The following AP3D1 variants were observed in gnomAD, a reference collection of about 807,000 sequenced individuals.
The protein encoded by AP3D1 is AP-3 complex subunit delta-1.
Under a neutral mutation model 147.6 loss-of-function variants are expected in AP3D1, and 51 were observed. That is an observed-to-expected ratio of 0.35 (90% CI 0.28 to 0.44). The LOEUF is 0.44. Among genes scored for constraint, AP3D1 ranks in the 20% least tolerant of loss-of-function variants. The pLI is 1.00. For missense variants in AP3D1, 1,421 were observed against 1,624.2 expected, an observed-to-expected ratio of 0.87 and a Z score of 2.15; for synonymous variants, 760 against 663.0, an observed-to-expected ratio of 1.15 and a Z score of -2.25.
Position 2,110,843 on chromosome 19 carries a change from G to A in AP3D1, c.3039C>T (p.Ile1013=), listed in dbSNP as rs773479033. 4 of 1,613,640 alleles carry A rather than the reference G, an allele frequency of 2.5e-6. No homozygotes were observed. The highest frequency in any genetic ancestry group is 1.1e-5 in the South Asian group (1 of 91,082). ...LQEDSQVTVA[I]VLENRSSSIL... ...TGCTGCTGCTCCTGTTCTCCAGCAC[G>A]ATGGCCACAGTGACCTGGCTGTCCT... The change falls in exon 27 of 32, where the codon ATC becomes ATT. Residue 1013 remains isoleucine, a synonymous_variant. Transcript: ENST00000643116.
At position 2,151,516 on chromosome 19, in the gene AP3D1, G is replaced by A. The variant is rs147018632; in HGVS notation, c.-182C>T. On this transcript the variant is annotated 5_prime_UTR_variant, in exon 1 of 32. Coordinates refer to ENST00000643116, the MANE Select transcript of AP3D1 (RefSeq NM_001261826.3). The stretch of plus-strand genomic sequence containing the variant: ...GCAGAGGCGGCGACCCGCTCGGCAG[G>A]TGCCGCGATCCCGCTCCGGGCCCCT... 0.12 allele frequency: 20,697 copies of A among 176,964 alleles called. 1,464 individuals carry two copies. The highest frequency in any genetic ancestry group is 0.16 in the Non-Finnish European group (14,098 of 89,184). The allele number at this position is 176,964 out of a possible 1,614,324, so 11.0% of individuals were successfully genotyped here.
rs781753395 is a variant in AP3D1 at position 2,114,265 on chromosome 19, G to A, written c.2461C>T (p.His821Tyr). Residue 821 changes from histidine to tyrosine, a missense_variant, in exon 22 of 32, where the codon CAC (histidine) becomes TAC (tyrosine). Physicochemically the swap from His to Tyr is moderately conservative, Grantham distance 83. Coordinates refer to ENST00000643116, the MANE Select transcript of AP3D1 (RefSeq NM_001261826.3). ...ADSEKLPIQKHRNTETSKSPE... is the reference protein window; with the variant it reads ...ADSEKLPIQKYRNTETSKSPE... ...GATTTTGAGGTCTCGGTGTTTCTGTGTTTCTGAATAGGCAGTTTCTCGCTG... is the reference window on the plus strand; with the variant it reads ...GATTTTGAGGTCTCGGTGTTTCTGTATTTCTGAATAGGCAGTTTCTCGCTG... The A allele has an allele frequency of 1.2e-6, 2 of 1,612,556 alleles. No homozygotes were observed. Among genetic ancestry groups the A allele is most frequent in the Non-Finnish European group, 8.5e-7 (1 of 1,179,622 alleles).
intron 2 of AP3D1, among the ~76,000 whole-genome samples, chr19:2,138,146 G>T (rs902301019): frequency 1.3e-5 from 2 of 152,196 alleles, no homozygotes; most frequent in Admixed American, 1.3e-4. Context: ...GCAGCATGGG[G>T]GACCCTGGAC....
intron 1 of AP3D1, among the ~76,000 whole-genome samples, chr19:2,161,765 A>T (rs2019700504): frequency 6.6e-6 from 1 of 151,984 alleles, no homozygotes; most frequent in Non-Finnish European, 1.5e-5. Context: ...CCTGGCCAAC[A>T]TGGCGAGACC....
At chr19:2,109,557 G>A (rs1011730820) in intron 29 of AP3D1, 30 of 484,170 alleles carry the variant, frequency 6.2e-5, no homozygotes, top group African/African-American at 4.4e-4. Flanking sequence ...AGGGGGTGCC[G>A]CACGCCAAGC....
At chr19:2,120,507 C>G (rs911933129) in intron 14 of AP3D1, among the ~76,000 whole-genome samples, 1 of 152,194 alleles carries the variant, frequency 6.6e-6, no homozygotes. Flanking sequence ...AGGGCTGCCA[C>G]GCGCCCAGCT....
chr19:2,116,792 C>CG, intron 16 of AP3D1, 46 bp from the exon 17 acceptor site: 2 of 1,552,854 alleles, frequency 1.3e-6, no homozygotes, highest in African/African-American at 2.7e-5. Context: ...TGACCGAGCA[C>CG]GCGCCTGCAG....
intron 8 of AP3D1, among the ~76,000 whole-genome samples, chr19:2,127,716 G>A (rs963770822): frequency 7.2e-5 from 11 of 152,128 alleles, no homozygotes; most frequent in South Asian, 2.1e-4. Flanking sequence ...AGGTAGAGAC[G>A]GGGTTTCACC....
At chr19:2,141,347 G>A (rs1036019889) in intron 1 of AP3D1, among the ~76,000 whole-genome samples, 6 of 151,718 alleles carry the variant, frequency 4.0e-5, no homozygotes, top group African/African-American at 1.2e-4. Context: ...AGAACACAGG[G>A]TGCGTATTTC....
intron 9 of AP3D1, among the ~76,000 whole-genome samples, chr19:2,125,857 G>A (rs116106464): frequency 0.025 from 3,821 of 151,500 alleles, 160 homozygotes; most frequent in African/African-American, 0.087. Context: ...CAAAAGAGAT[G>A]GGGTGCTGGC....
chr19:2,117,405 G>A (rs769552332), intron 15 of AP3D1, 38 bp from the exon 16 acceptor site: 16 of 1,530,700 alleles, frequency 1.0e-5, no homozygotes, highest in South Asian at 4.9e-5. Flanking sequence ...GCACCTGCCC[G>A]GAAGGCCACT....
intron 9 of AP3D1, among the ~76,000 whole-genome samples, chr19:2,125,232 G>A (rs1360617887): frequency 6.6e-6 from 1 of 152,214 alleles, no homozygotes; most frequent in African/African-American, 2.4e-5. Context: ...ACGAAGAAAT[G>A]TGGCAAAATA....
rs555959419 is a variant in AP3D1, at chr19:2,147,038, A to G, written c.96+4201T>C. On this transcript the variant is annotated intron_variant, in intron 1 of 31. Coordinates refer to ENST00000643116, the MANE Select transcript of AP3D1 (RefSeq NM_001261826.3). ...TCTAGTGGAATGACTGACGTTATTA[A>G]AAGGAGAGAAAACCCGCTCAGTTCG... 9.2e-5 allele frequency among the ~76,000 whole-genome samples: 14 copies of G among 152,292 alleles called. No homozygotes were observed. In the East Asian group the frequency reaches 2.7e-3, roughly 29 times the overall value.
chr19:2,117,402 C>A, intron 15 of AP3D1, 35 bp from the exon 16 acceptor site: 1 of 1,533,458 alleles, frequency 6.5e-7, no homozygotes, highest in Non-Finnish European at 8.8e-7. Context: ...CTGGCACCTG[C>A]CCGGAAGGCC....
exon 1 of AP3D1, chr19:2,164,457 G>T (rs975013883): frequency 5.6e-6 from 2 of 359,518 alleles, no homozygotes; most frequent in Non-Finnish European, 9.6e-6. Context: ...CAGGGTGGGA[G>T]CCCCGCGCGC....
chr19:2,113,570 G>A (rs1314248060), intron 22 of AP3D1, among the ~76,000 whole-genome samples, 157 bp from the exon 23 acceptor site: 1 of 152,216 alleles, frequency 6.6e-6, no homozygotes, highest in Non-Finnish European at 1.5e-5. Context: ...GGAGCTGAAG[G>A]CGATGTCCTC....
rs762332415 is a variant in AP3D1, at chr19:2,115,250, T to A, written c.2318A>T (p.Gln773Leu). The A allele has an allele frequency of 7.4e-6, 12 of 1,613,546 alleles. No homozygotes were observed. Among genetic ancestry groups the A allele is most frequent in the Non-Finnish European group, 1.0e-5 (12 of 1,180,018 alleles). The change falls in exon 20 of 32, where the codon CAG becomes CTG. Residue 773 changes from glutamine to leucine, a missense_variant. Around this residue, in one of 6 missense-constraint regions of AP3D1, gnomAD observed 791 missense variants for 761.4 expected, o/e 1.04. Coordinates refer to ENST00000643116, the MANE Select transcript of AP3D1 (RefSeq NM_001261826.3). The stretch of plus-strand genomic sequence containing the variant: ...CATCTCCTCTGTGACGATGTCCACC[T>A]GCTGGGCAGGGGCGATGTCCTCGTC... ...ESDEDIAPAQ[Q>L]VDIVTEEMPE...
chr19:2,140,471 C>T (rs2019190398), intron 1 of AP3D1, among the ~76,000 whole-genome samples: 1 of 139,270 alleles, frequency 7.2e-6, no homozygotes, highest in Non-Finnish European at 1.6e-5. Context: ...CTCCAGTCAA[C>T]TTGCTTGACT....
chr19:2,104,121 C>G (rs575579774), intron 31 of AP3D1, among the ~76,000 whole-genome samples: 1 of 150,844 alleles, frequency 6.6e-6, no homozygotes, highest in South Asian at 2.1e-4. Flanking sequence ...CTCCAAGACG[C>G]CAACACTCAG....
Sources: allele counts gnomAD v4.1 joint callset (sites outside exome capture counted in the v4.1 genomes callset), GRCh38; gene constraint gnomAD v4.1.1; regional missense constraint gnomAD v4.1.1; transcripts MANE v1.5; gene names NCBI Gene and HGNC (gene_info 2026-07-23, HGNC 2026-07-21).